AKAP9: variants seen among roughly 807,000 people sequenced by gnomAD.
AKAP9 encodes the protein A-kinase anchoring protein 9.
A neutral mutation model predicts 488.5 loss-of-function variants in AKAP9; 311 were observed. That is an observed-to-expected ratio of 0.64 (90% CI 0.58 to 0.70). AKAP9 has a LOEUF of 0.70. Ranked by LOEUF, AKAP9 falls within the 30% of genes least tolerant of loss-of-function variation. The pLI is 0.00. For missense variants in AKAP9, 4,215 were observed against 4,374.5 expected, an observed-to-expected ratio of 0.96 and a Z score of 1.03; for synonymous variants, 1,462 against 1,483.5, an observed-to-expected ratio of 0.99 and a Z score of 0.33.
intron 14 of AKAP9, among the ~76,000 whole-genome samples, chr7:92,025,406 A>G (rs572113173): frequency 6.6e-6 from 1 of 152,272 alleles, no homozygotes; most frequent in Admixed American, 6.5e-5. Context: ...CCCCTACCAA[A>G]AAGAGTTTTA....
Position 92,001,460 on chromosome 7 carries a change from G to T in AKAP9, c.1543G>T (p.Glu515Ter). Residue 515 changes from glutamate (E) to a stop codon, truncating the protein, a stop_gained, in exon 8 of 50, where the codon GAA (glutamate) becomes TAA (stop). Transcript: ENST00000356239. LOFTEE classifies it high-confidence loss of function. ...TNSQKEKLKEELGLILEEKCA... is the reference protein window; with the variant it reads ...TNSQKEKLKE ...CTCTCAAAAGGAAAAACTCAAGGAA[G>T]AACTAGGACTAATTTTAGAAGAAAA... The T allele has an allele frequency of 1.2e-6, 2 of 1,613,818 alleles. No individual in the cohort carries two copies. Among genetic ancestry groups the T allele is most frequent in the Non-Finnish European group, 1.7e-6 (2 of 1,179,850 alleles).
chr7:91,961,709 T>G (rs1319144729), intron 1 of AKAP9, among the ~76,000 whole-genome samples: 1 of 151,584 alleles, frequency 6.6e-6, no homozygotes, highest in Non-Finnish European at 1.5e-5. Flanking sequence ...CCGGGTGTGG[T>G]GCCAGGCGCC....
intron 28 of AKAP9, among the ~76,000 whole-genome samples, chr7:92,073,234 C>A (rs541229994): frequency 6.6e-6 from 1 of 151,928 alleles, no homozygotes; most frequent in Non-Finnish European, 1.5e-5. Flanking sequence ...TGGTGACTCA[C>A]GCCTGTAATC....
intron 21 of AKAP9, among the ~76,000 whole-genome samples, chr7:92,052,054 C>T (rs567850698): frequency 6.6e-6 from 1 of 152,090 alleles, no homozygotes; most frequent in Non-Finnish European, 1.5e-5. Flanking sequence ...TAGACCTGCT[C>T]ATCAGTCTAA....
chr7:92,056,176 A>G lies in AKAP9; in HGVS notation c.5601+3218A>G, dbSNP rs1191586047. On this transcript the variant is annotated intron_variant, in intron 22 of 49. Transcript: ENST00000356239. ...TTACTTTTTTGAGTCCATTTTTCTC[A>G]GTAATTTTTCTCTCTTATCTTTGTA... Among the ~76,000 whole-genome samples the G allele has an allele frequency of 8.5e-5, 13 of 152,104 alleles. 1 individual carries two copies. Among genetic ancestry groups the G allele is most frequent in the African/African-American group, 2.6e-4 (11 of 41,534 alleles).
chr7:92,073,470 C>T (rs569716120), intron 28 of AKAP9, among the ~76,000 whole-genome samples: 1 of 151,730 alleles, frequency 6.6e-6, no homozygotes, highest in South Asian at 2.1e-4. Flanking sequence ...CACGCCACTG[C>T]ACTCTAGCGT....
rs753301970 is a variant in AKAP9 at position 92,079,473 on chromosome 7, C to T, written c.7340C>T (p.Pro2447Leu). 1.2e-6 allele frequency: 2 copies of T among 1,613,926 alleles called. No individual in the cohort carries two copies. ...RESVEKIQSI[P>L]ENSVNVAIDH... ...AGTGTGGAAAAGATTCAAAGCATAC[C>T]AGAGAATAGTGTTAACGTGGCTATA... is the stretch of plus-strand genomic sequence containing the variant. Residue 2447 changes from proline to leucine, a missense_variant, in exon 31 of 50, where the codon CCA becomes CTA. Physicochemically the swap from Pro to Leu is moderately conservative, Grantham distance 98. Coordinates refer to ENST00000356239, the MANE Select transcript of AKAP9 (RefSeq NM_005751.5).
At chr7:92,095,218 T>C (rs773433422) in intron 40 of AKAP9, 45 bp downstream of exon 40, 12 of 1,607,944 alleles carry the variant, frequency 7.5e-6, no homozygotes, top group African/African-American at 2.7e-5. Context: ...TCCAGAATGA[T>C]AGAAGAGGGT....
At chr7:91,988,084 G>A (rs550778378) in intron 3 of AKAP9, among the ~76,000 whole-genome samples, 1 of 151,978 alleles carries the variant, frequency 6.6e-6, no homozygotes, top group South Asian at 2.1e-4. Context: ...GGAGGCTGAG[G>A]TTACATTTTT....
At chr7:92,068,610 C>G (rs1410969638) in intron 26 of AKAP9, among the ~76,000 whole-genome samples, 3 of 150,364 alleles carry the variant, frequency 2.0e-5, no homozygotes, top group Admixed American at 2.0e-4. Flanking sequence ...TTTTTTTTTT[C>G]TACTGTTGCA....
intron 48 of AKAP9, 68 bp from the exon 49 acceptor site, chr7:92,108,426 G>T (rs1269375686): frequency 1.3e-6 from 2 of 1,537,002 alleles, no homozygotes; most frequent in African/African-American, 2.7e-5. Context: ...AGGGAGTGGA[G>T]GCAGGTTGGT....
At chr7:91,943,374 A>G (rs1479109564) in intron 1 of AKAP9, among the ~76,000 whole-genome samples, 1 of 152,248 alleles carries the variant, frequency 6.6e-6, no homozygotes, top group South Asian at 2.1e-4. Flanking sequence ...TAGTATGTAC[A>G]TTATTTCATT....
chr7:91,992,325 A>G (rs1395153400), intron 4 of AKAP9, 114 bp downstream of exon 4: 5 of 843,742 alleles, frequency 5.9e-6, no homozygotes, highest in East Asian at 2.4e-5. Flanking sequence ...ATTTCAAATT[A>G]ATTTTAATGT....
intron 3 of AKAP9, 122 bp from the exon 4 acceptor site, chr7:91,992,036 G>T: frequency 3.8e-6 from 3 of 795,768 alleles, no homozygotes; most frequent in East Asian, 2.5e-5. Context: ...ATCTGTTTTC[G>T]CCAATGATGC....
intron 25 of AKAP9, among the ~76,000 whole-genome samples, chr7:92,065,893 C>A (rs1443512869): frequency 6.6e-5 from 10 of 152,266 alleles, no homozygotes. Flanking sequence ...CCATTACTCT[C>A]TTCCAAAAAG....
chr7:92,019,202 C>T (rs1423935266), intron 12 of AKAP9, among the ~76,000 whole-genome samples: 3 of 151,590 alleles, frequency 2.0e-5, no homozygotes, highest in Non-Finnish European at 4.4e-5. Flanking sequence ...AGTACAGTGG[C>T]GTGATCTCGG....
At chr7:91,960,303 C>T (rs947079120) in intron 1 of AKAP9, among the ~76,000 whole-genome samples, 6 of 152,104 alleles carry the variant, frequency 3.9e-5, no homozygotes, top group African/African-American at 1.4e-4. Context: ...AAGCACTTGT[C>T]TGTTTGGTGA....
Position 92,105,746 on chromosome 7 carries a change from G to A in AKAP9, c.11399G>A (p.Gly3800Asp). The change falls in exon 47 of 50, where the codon GGC becomes GAC. Residue 3800 changes from glycine to aspartate, a missense_variant. Gly to Asp is a moderately conservative substitution (Grantham distance 94). Transcript: ENST00000356239. ...GSVSININRDGFGLNQGAEKT... is the reference protein window; with the variant it reads ...GSVSININRDDFGLNQGAEKT... Reference sequence around the variant, plus strand: ...GTTTCCATCAATATTAACAGAGATGGCTTTGGACTGAATCAAGGTGAAGTC... The same window carrying A: ...GTTTCCATCAATATTAACAGAGATGACTTTGGACTGAATCAAGGTGAAGTC... 2 of 1,614,034 alleles carry A rather than the reference G, an allele frequency of 1.2e-6. No individual in the cohort carries two copies. Among genetic ancestry groups the A allele is most frequent in the Non-Finnish European group, 1.7e-6 (2 of 1,179,876 alleles).
intron 3 of AKAP9, among the ~76,000 whole-genome samples, chr7:91,981,236 A>G (rs1447403220): frequency 1.3e-5 from 2 of 152,194 alleles, no homozygotes; most frequent in South Asian, 4.1e-4. Context: ...CTTTTGTGAC[A>G]TTAAATTTGG....
Sources: gnomAD v4.1 joint callset for allele counts (sites outside exome capture counted in the v4.1 genomes callset) on GRCh38, gnomAD v4.1.1 for gene constraint, MANE v1.5 for transcripts, NCBI Gene and HGNC (gene_info 2026-07-23, HGNC 2026-07-21) for gene names.